The following HDX variants were observed in gnomAD, a reference collection of about 807,000 sequenced individuals.
The protein encoded by HDX is chromosome X open reading frame 43.
Under a neutral mutation model 45.2 loss-of-function variants are expected in HDX, and 19 were observed. The ratio of observed to expected loss-of-function variants is 0.42; its 90% CI spans 0.29 to 0.62. The LOEUF is 0.62. Ranked by LOEUF, HDX falls within the 20% of genes least tolerant of loss-of-function variation. The pLI, the probability that HDX is intolerant of heterozygous loss-of-function variation, is 0.20. For synonymous variants in HDX, 188 were observed against 172.8 expected, an observed-to-expected ratio of 1.09 and a Z score of -0.69; for missense variants, 532 against 493.9, an observed-to-expected ratio of 1.08 and a Z score of -0.73.
chrX:84,443,884 G>A (rs1438726440), intron 4 of HDX, among the ~76,000 whole-genome samples: 2 of 111,726 alleles, frequency 1.8e-5, no homozygotes, highest in African/African-American at 6.5e-5. Flanking sequence ...TGCTGTTTTA[G>A]AGTGCTACAG....
intron 8 of HDX, 66 bp from the exon 9 acceptor site, chrX:84,333,908 A>G: frequency 2.2e-6 from 1 of 450,446 alleles, no homozygotes; most frequent in Non-Finnish European, 3.9e-6. Flanking sequence ...AGCAATGCAT[A>G]GAAAATATGC....
intron 5 of HDX, among the ~76,000 whole-genome samples, chrX:84,378,439 CA>C: frequency 9.0e-6 from 1 of 110,931 alleles, no homozygotes; most frequent in African/African-American, 3.3e-5. Context: ...ATAATAACTA[CA>C]AAACCTTTTT....
At chrX:84,352,479 CT>C (rs1302285505) in intron 6 of HDX, among the ~76,000 whole-genome samples, 1 of 111,401 alleles carries the variant, frequency 9.0e-6, no homozygotes, top group African/African-American at 3.3e-5. Context: ...CCTTTTAACA[CT>C]TTTTTATTTT....
At chrX:84,360,028 C>T (rs925411781) in intron 6 of HDX, among the ~76,000 whole-genome samples, 5 of 111,021 alleles carry the variant, frequency 4.5e-5, no homozygotes, top group African/African-American at 1.6e-4. Context: ...TACAATATAC[C>T]CATCTGACTA....
rs1009312436 is a variant in HDX at position 84,480,614 on chromosome X, T to C, written c.1-5217A>G. 2.7e-5 allele frequency among the ~76,000 whole-genome samples: 3 copies of C among 111,527 alleles called. No homozygotes were observed. The Admixed American group carries it at 2.9e-4, about 11-fold the overall frequency. On this transcript the variant is annotated intron_variant, in intron 2 of 10. Coordinates refer to ENST00000373177, the MANE Select transcript of HDX (RefSeq NM_001177479.2). ...GTTAAATGCTTTTTCTTGCATCTAT[T>C]GAAATGATTGTATAGTTTTTATTCT...
intron 5 of HDX, among the ~76,000 whole-genome samples, chrX:84,401,852 T>C (rs1277850563): frequency 3.6e-5 from 4 of 112,351 alleles, no homozygotes; most frequent in African/African-American, 1.3e-4. Context: ...GTGGTACATA[T>C]ACACCATGAA....
intron 5 of HDX, among the ~76,000 whole-genome samples, chrX:84,423,482 TC>T (rs1356249845): frequency 5.8e-4 from 8 of 13,697 alleles, no homozygotes; most frequent in Non-Finnish European, 8.6e-4. Flanking sequence ...GACAGAAACA[TC>T]AAAAAAAAAA....
At chrX:84,330,804 T>C (rs757955214) in intron 9 of HDX, among the ~76,000 whole-genome samples, 27 of 112,122 alleles carry the variant, frequency 2.4e-4, no homozygotes, top group African/African-American at 8.4e-4. Flanking sequence ...AGCTTTAAGA[T>C]AATTTAATAT....
intron 1 of HDX, among the ~76,000 whole-genome samples, chrX:84,490,467 T>A (rs2040871912): frequency 8.9e-6 from 1 of 111,867 alleles, no homozygotes; most frequent in Non-Finnish European, 1.9e-5. Flanking sequence ...GTTGTTATTT[T>A]AAAAATTAAA....
intron 5 of HDX, among the ~76,000 whole-genome samples, chrX:84,406,268 T>C (rs1162557192): frequency 9.0e-6 from 1 of 111,002 alleles, no homozygotes; most frequent in African/African-American, 3.3e-5. Flanking sequence ...TCATGGAATT[T>C]TAAATCCTGT....
At chrX:84,323,736 T>C (rs1477499090) in intron 10 of HDX, among the ~76,000 whole-genome samples, 1 of 111,844 alleles carries the variant, frequency 8.9e-6, no homozygotes, top group African/African-American at 3.2e-5. Context: ...CTGAAAAAAA[T>C]CTTTGGATTA....
chrX:84,395,372 T>C (rs12391699), intron 5 of HDX, among the ~76,000 whole-genome samples: 994 of 95,362 alleles, frequency 0.01, 17 homozygotes, highest in Admixed American at 0.045. Context: ...TTTTTTTTTT[T>C]CCCCAATACT....
chrX:84,487,491 G>A (rs970815721), intron 2 of HDX, among the ~76,000 whole-genome samples: 7 of 112,452 alleles, frequency 6.2e-5, no homozygotes, highest in Non-Finnish European at 1.3e-4. Flanking sequence ...CTGTCAGCAA[G>A]TCAGCTCAGT....
intron 1 of HDX, among the ~76,000 whole-genome samples, chrX:84,488,646 T>G (rs759467378): frequency 1.8e-5 from 2 of 111,189 alleles, no homozygotes; most frequent in South Asian, 3.7e-4. Context: ...TTTTGGGAAA[T>G]TAGTCATTCT....
At chrX:84,423,514 G>GAA (rs370746590) in intron 5 of HDX, among the ~76,000 whole-genome samples, 3,293 of 95,930 alleles carry the variant, frequency 0.034, 63 homozygotes, top group Non-Finnish European at 0.05. Flanking sequence ...GAGAGAGAGA[G>GAA]AAAACTGCAG....
chrX:84,368,352 T>C (rs1395321625), intron 5 of HDX, among the ~76,000 whole-genome samples: 2 of 111,951 alleles, frequency 1.8e-5, no homozygotes, highest in African/African-American at 6.5e-5. Flanking sequence ...TCACATTGCA[T>C]ACATTTTTAT....
chrX:84,395,360 G>GT (rs57915683), intron 5 of HDX, among the ~76,000 whole-genome samples: 1 of 102,531 alleles, frequency 9.8e-6, no homozygotes, highest in African/African-American at 3.5e-5. Flanking sequence ...TTATTGGCAA[G>GT]TTTTTTTTTT....
chrX:84,420,437 C>A (rs1024375625), intron 5 of HDX, among the ~76,000 whole-genome samples: 3 of 109,966 alleles, frequency 2.7e-5, no homozygotes, highest in Non-Finnish European at 5.7e-5. Flanking sequence ...AATACACAAT[C>A]GGAGGAGTGA....
At chrX:84,353,995 T>G (rs1417038429) in intron 6 of HDX, among the ~76,000 whole-genome samples, 1 of 111,846 alleles carries the variant, frequency 8.9e-6, no homozygotes, top group East Asian at 2.8e-4. Flanking sequence ...CAGCTATCAA[T>G]TATGTGAATG....
Sources: allele counts gnomAD v4.1 joint callset (sites outside exome capture counted in the v4.1 genomes callset), GRCh38; gene constraint gnomAD v4.1.1; transcripts MANE v1.5; gene names NCBI Gene and HGNC (gene_info 2026-07-23, HGNC 2026-07-21).